DENND1B: variants seen among roughly 807,000 people sequenced by gnomAD.
DENND1B encodes DENN domain containing 1B, also known as DENN domain-containing protein 1B.
Under a neutral mutation model 90.1 loss-of-function variants are expected in DENND1B, and 59 were observed. The observed-to-expected ratio is 0.65, with a 90% CI of 0.53 to 0.81. The LOEUF (loss-of-function observed/expected upper bound fraction) is 0.81, where lower values mean the gene tolerates loss of function less well. Ranked by LOEUF, DENND1B falls within the 40% of genes least tolerant of loss-of-function variation. The probability of loss-of-function intolerance (pLI) is 0.00; values close to 1 mark genes in which losing one functional copy is unlikely to be tolerated. For missense variants in DENND1B, 862 were observed against 912.6 expected, an observed-to-expected ratio of 0.94 and a Z score of 0.71; for synonymous variants, 337 against 324.6, an observed-to-expected ratio of 1.04 and a Z score of -0.41.
At chr1:197,604,783 A>C (rs924175157) in intron 13 of DENND1B, among the ~76,000 whole-genome samples, 1 of 151,224 alleles carries the variant, frequency 6.6e-6, no homozygotes, top group Non-Finnish European at 1.5e-5. Context: ...AACACAACTC[A>C]TTTAAGACAT....
At chr1:197,555,917 C>T (rs903564191) in intron 15 of DENND1B, among the ~76,000 whole-genome samples, 4 of 152,010 alleles carry the variant, frequency 2.6e-5, no homozygotes, top group African/African-American at 7.2e-5. Flanking sequence ...ATGTTTATCC[C>T]GGCACTATTG....
chr1:197,714,879 C>T (rs965422206), intron 3 of DENND1B, 152 bp downstream of exon 3: 15 of 658,282 alleles, frequency 2.3e-5, no homozygotes, highest in African/African-American at 2.2e-4. Context: ...ATATATTCCG[C>T]ACACATGCAT....
At chr1:197,617,976 T>C (rs551652020) in intron 10 of DENND1B, among the ~76,000 whole-genome samples, 2 of 151,258 alleles carry the variant, frequency 1.3e-5, no homozygotes, top group Admixed American at 6.6e-5. Context: ...GGGAATCATG[T>C]AGATAGTTAT....
intron 14 of DENND1B, among the ~76,000 whole-genome samples, chr1:197,590,364 C>T (rs774769999): frequency 2.6e-5 from 4 of 151,994 alleles, no homozygotes; most frequent in Non-Finnish European, 2.9e-5. Context: ...GTGCTCTTAC[C>T]GCTTTTCTTC....
Position 197,775,150 on chromosome 1 carries a change from G to T in DENND1B, c.6C>A (p.Asp2Glu). The T allele has an allele frequency of 7.7e-7, 1 of 1,305,504 alleles. No individual in the cohort carries two copies. The highest frequency in any genetic ancestry group is 2.5e-5 in the South Asian group (1 of 39,446). The allele number at this position is 1,305,504 out of a possible 1,614,324, so 80.9% of individuals were successfully genotyped here. The part of the protein sequence containing the change: M[D>E]CRTKANPDRT... ...GCCCCCCCACTCACTTGGTCCTGCA[G>T]TCCATGGTTACATGTCGGTGTGGGG... The change falls in exon 1 of 23, where the codon GAC (aspartate) becomes GAA (glutamate). Residue 2 changes from aspartate (D) to glutamate (E), a missense_variant. Coordinates refer to ENST00000620048, the MANE Select transcript of DENND1B (RefSeq NM_001195215.2).
rs541689000 is a variant in DENND1B, at chr1:197,689,100, T to G, written c.127-14931A>C. The G allele has an allele frequency of 2.2e-5, 4 of 178,924 alleles. No individual in the cohort carries two copies. In the South Asian group the frequency reaches 5.4e-4, roughly 24 times the overall value. 11.1% of individuals were successfully genotyped at this position (178,924 alleles called of 1,614,324 possible). On this transcript the variant is annotated intron_variant, in intron 3 of 22. Coordinates refer to ENST00000620048, the MANE Select transcript of DENND1B (RefSeq NM_001195215.2). ...GAAACATTTATTATATTAGTCCATT[T>G]TCACACTGCTGATAAAGACATACCT...
intron 2 of DENND1B, among the ~76,000 whole-genome samples, chr1:197,737,440 T>C (rs1662801159): frequency 6.6e-6 from 1 of 152,186 alleles, no homozygotes. Flanking sequence ...TGACAAACAC[T>C]GAATAGCAGC....
chr1:197,723,483 C>T (rs1661367447), intron 2 of DENND1B, among the ~76,000 whole-genome samples: 1 of 152,066 alleles, frequency 6.6e-6, no homozygotes, highest in South Asian at 2.1e-4. Flanking sequence ...AATGCTGTAC[C>T]ACAGATGTTC....
chr1:197,629,767 C>A (rs183576873), intron 10 of DENND1B, among the ~76,000 whole-genome samples: 3 of 151,814 alleles, frequency 2.0e-5, no homozygotes, highest in Non-Finnish European at 4.4e-5. Context: ...AAAGCAGCCA[C>A]GGACTTTAGA....
At chr1:197,745,093 T>C (rs1571588556) in intron 2 of DENND1B, among the ~76,000 whole-genome samples, 1 of 152,202 alleles carries the variant, frequency 6.6e-6, no homozygotes, top group South Asian at 2.1e-4. Context: ...TTGTGGATGG[T>C]TTGTGGATGG....
intron 10 of DENND1B, among the ~76,000 whole-genome samples, chr1:197,625,268 G>C (rs1023953472): frequency 1.3e-5 from 2 of 152,134 alleles, no homozygotes; most frequent in East Asian, 3.9e-4. Context: ...CAGAGAGAAA[G>C]GTCGGGTTAC....
intron 3 of DENND1B, among the ~76,000 whole-genome samples, chr1:197,685,260 G>A (rs1276229293): frequency 1.3e-5 from 2 of 152,086 alleles, no homozygotes; most frequent in Admixed American, 6.6e-5. Context: ...AGAAATATAT[G>A]GTTGACAGAC....
intron 10 of DENND1B, among the ~76,000 whole-genome samples, chr1:197,636,577 A>G (rs762621448): frequency 2.4e-4 from 36 of 152,178 alleles, no homozygotes; most frequent in Non-Finnish European, 4.3e-4. Flanking sequence ...GTGGATAACA[A>G]CTGTACCTAC....
chr1:197,585,605 G>T lies in DENND1B; in HGVS notation c.1048-2352C>A, dbSNP rs1194754481. ...GCTCAGATTTGCTGTCCATCCACTT[G>T]TGATGACACAAATCATGGAAAAACT... On this transcript the variant is annotated intron_variant, in intron 14 of 22. Coordinates refer to ENST00000620048, the MANE Select transcript of DENND1B (RefSeq NM_001195215.2). Among the ~76,000 whole-genome samples the T allele has an allele frequency of 2.6e-5, 4 of 152,240 alleles. No individual in the cohort carries two copies. In the South Asian group the frequency reaches 6.2e-4, roughly 24 times the overall value.
intron 2 of DENND1B, chr1:197,735,615 TCCTC>T (rs767170068): frequency 6.2e-7 from 1 of 1,614,186 alleles, no homozygotes; most frequent in Admixed American, 1.7e-5. Flanking sequence ...CCATCTTTTC[TCCTC>T]CCGTGGAGCT....
intron 17 of DENND1B, 116 bp from the exon 18 acceptor site, chr1:197,546,106 C>T: frequency 1.4e-6 from 1 of 693,182 alleles, no homozygotes; most frequent in Non-Finnish European, 2.2e-6. Flanking sequence ...AACTTAAAGA[C>T]CTATACAAAT....
intron 5 of DENND1B, among the ~76,000 whole-genome samples, chr1:197,662,542 C>T (rs1288642055): frequency 6.6e-6 from 1 of 151,862 alleles, no homozygotes; most frequent in Non-Finnish European, 1.5e-5. Context: ...CCTATCTTGG[C>T]GTGTATTTCT....
chr1:197,648,816 C>A (rs1652773999), intron 7 of DENND1B, among the ~76,000 whole-genome samples: 1 of 152,072 alleles, frequency 6.6e-6, no homozygotes. Context: ...CCTATTTGGG[C>A]AATTAGAACT....
Position 197,761,314 on chromosome 1 carries a change from T to C in DENND1B, c.82+11554A>G, listed in dbSNP as rs888630981. ...GACCTTCAAAAATATTTTCTAAATA[T>C]TATATTACTTCCTCTTCCAAATATC... is the stretch of plus-strand genomic sequence containing the variant. On this transcript the variant is annotated intron_variant, in intron 2 of 22. Coordinates refer to ENST00000620048, the MANE Select transcript of DENND1B (RefSeq NM_001195215.2). Among the ~76,000 whole-genome samples the C allele has an allele frequency of 2.6e-5, 4 of 152,204 alleles. No homozygotes were observed. In the East Asian group the frequency reaches 7.7e-4, roughly 29 times the overall value.
Sources: allele counts gnomAD v4.1 joint callset (sites outside exome capture counted in the v4.1 genomes callset), GRCh38; gene constraint gnomAD v4.1.1; transcripts MANE v1.5; gene names NCBI Gene and HGNC (gene_info 2026-07-23, HGNC 2026-07-21).